The following BFSP2 variants were observed in gnomAD, a reference collection of about 807,000 sequenced individuals.
BFSP2 encodes the protein phakinin.
In BFSP2, 38 loss-of-function variants were observed where a neutral mutation model predicts 44.9. That is an observed-to-expected ratio of 0.85 (90% CI 0.65 to 1.11). The LOEUF (loss-of-function observed/expected upper bound fraction) is 1.11, where lower values mean the gene tolerates loss of function less well. Ranked by LOEUF, BFSP2 falls within the 50% of genes least tolerant of loss-of-function variation. The pLI, the probability that BFSP2 is intolerant of heterozygous loss-of-function variation, is 0.00. For missense variants in BFSP2, 525 were observed against 533.0 expected (o/e 0.99, Z 0.15); for synonymous variants, 197 against 209.9 (o/e 0.94, Z 0.53).
intron 4 of BFSP2, among the ~76,000 whole-genome samples, chr3:133,465,960 A>G (rs1039081365): frequency 6.6e-6 from 1 of 152,212 alleles, no homozygotes; most frequent in Admixed American, 6.5e-5. Context: ...GTCCACCAGC[A>G]GAGACTTCTA....
intron 1 of BFSP2, among the ~76,000 whole-genome samples, chr3:133,402,521 T>G (rs538936317): frequency 4.1e-4 from 63 of 152,312 alleles, no homozygotes; most frequent in Non-Finnish European, 2.9e-5. Context: ...TGGGCTCACT[T>G]TCCTCTTAAG....
chr3:133,442,611 T>C (rs149931803), intron 1 of BFSP2, among the ~76,000 whole-genome samples: 4 of 152,192 alleles, frequency 2.6e-5, no homozygotes, highest in Non-Finnish European at 5.9e-5. Flanking sequence ...TATAATGGGA[T>C]AGGAGAGCAT....
intron 1 of BFSP2, among the ~76,000 whole-genome samples, chr3:133,426,936 T>G (rs1033324885): frequency 6.6e-6 from 1 of 152,226 alleles, no homozygotes; most frequent in African/African-American, 2.4e-5. Context: ...GAGTGGGAGA[T>G]GGAAAGCATG....
intron 4 of BFSP2, among the ~76,000 whole-genome samples, chr3:133,459,792 C>T (rs988056065): frequency 2.6e-5 from 4 of 152,216 alleles, no homozygotes; most frequent in Non-Finnish European, 4.4e-5. Flanking sequence ...TAACATATGA[C>T]ACCACGTAAC....
intron 4 of BFSP2, among the ~76,000 whole-genome samples, chr3:133,464,289 T>C (rs1217536680): frequency 2.0e-5 from 3 of 152,224 alleles, no homozygotes; most frequent in Non-Finnish European, 4.4e-5. Context: ...TAAATACTAG[T>C]TGAGAGCACA....
chr3:133,441,039 CTT>C (rs534254115), intron 1 of BFSP2, among the ~76,000 whole-genome samples: 1,667 of 127,202 alleles, frequency 0.013, 31 homozygotes, highest in African/African-American at 0.045. Context: ...CAGATGCAAT[CTT>C]TTTTTTTTTT....
At chr3:133,425,907 AAAGG>A (rs2073645275) in intron 1 of BFSP2, among the ~76,000 whole-genome samples, 1 of 57,068 alleles carries the variant, frequency 1.8e-5, no homozygotes, top group Non-Finnish European at 3.1e-5. Flanking sequence ...GAAATAAGAG[AAAGG>A]AGGGCAAGGG....
At chr3:133,402,854 G>A (rs1448777054) in intron 1 of BFSP2, among the ~76,000 whole-genome samples, 1 of 151,850 alleles carries the variant, frequency 6.6e-6, no homozygotes, top group East Asian at 1.9e-4. Flanking sequence ...TGTTGGCCAG[G>A]CTGGTCTTGA....
At chr3:133,450,936 A>C (rs969789239) in intron 4 of BFSP2, among the ~76,000 whole-genome samples, 60 of 151,988 alleles carry the variant, frequency 3.9e-4, no homozygotes, top group African/African-American at 1.4e-3. Flanking sequence ...AGGGTGAAAC[A>C]CTGTCTCTAC....
chr3:133,449,497 GTTTTTTGT>G (rs1216248630), intron 3 of BFSP2, among the ~76,000 whole-genome samples: 1 of 70,584 alleles, frequency 1.4e-5, no homozygotes, highest in African/African-American at 3.7e-5. Flanking sequence ...TATACATGTG[GTTTTTTGT>G]TTGTTTGTTT....
chr3:133,469,794 T>C (rs981028475), intron 5 of BFSP2, among the ~76,000 whole-genome samples: 2 of 152,090 alleles, frequency 1.3e-5, no homozygotes, highest in African/African-American at 4.8e-5. Context: ...ACTTTAAGGG[T>C]GAGATGGAAG....
intron 1 of BFSP2, among the ~76,000 whole-genome samples, chr3:133,447,053 A>G (rs1228454286): frequency 6.6e-6 from 1 of 152,118 alleles, no homozygotes; most frequent in Non-Finnish European, 1.5e-5. Context: ...GGCTATGAAC[A>G]AGTCTGCCTT....
At chr3:133,437,922 G>A (rs1373128428) in intron 1 of BFSP2, among the ~76,000 whole-genome samples, 1 of 152,206 alleles carries the variant, frequency 6.6e-6, no homozygotes, top group Non-Finnish European at 1.5e-5. Context: ...TTAGCAGAAA[G>A]GACCTATATT....
intron 3 of BFSP2, 111 bp from the exon 4 acceptor site, chr3:133,450,192 A>C: frequency 8.3e-7 from 1 of 1,204,570 alleles, no homozygotes; most frequent in Non-Finnish European, 1.2e-6. Flanking sequence ...TGTGTCTGGC[A>C]GTTGTGGAAT....
intron 3 of BFSP2, among the ~76,000 whole-genome samples, chr3:133,449,793 G>A (rs1012168927): frequency 2.0e-5 from 3 of 151,922 alleles, no homozygotes; most frequent in African/African-American, 7.3e-5. Context: ...GGAGACTGAG[G>A]TGGGAGGACT....
intron 1 of BFSP2, among the ~76,000 whole-genome samples, chr3:133,435,560 G>A (rs1181954161): frequency 6.6e-6 from 1 of 152,182 alleles, no homozygotes; most frequent in Non-Finnish European, 1.5e-5. Flanking sequence ...CTCTGCTCTT[G>A]TCTGCGGCTG....
chr3:133,414,793 CCCCGCTTACCCCTCTACTCA>C, intron 1 of BFSP2, among the ~76,000 whole-genome samples: 1 of 104,860 alleles, frequency 9.5e-6, no homozygotes, highest in East Asian at 3.0e-4. Context: ...GCCACCCCCC[CCCCGCTTACCCCTCTACTCA>C]CTCCTACCAC....
Position 133,450,472 on chromosome 3 carries a change from G to C in BFSP2, c.891+8G>C. ...GCCCTGCTCCAAGCTAAGGTGAGAG[G>C]CAGGACCAGCATCCTCCACTCTGCC... On this transcript the variant is annotated splice_region_variant and intron_variant, in intron 4 of 6. Transcript: ENST00000302334. 6.2e-7 allele frequency: 1 copy of C among 1,613,870 alleles called. No homozygotes were observed. The highest frequency in any genetic ancestry group is 8.5e-7 in the Non-Finnish European group (1 of 1,179,994).
chr3:133,419,459 C>A lies in BFSP2; in HGVS notation c.489+18887C>A, dbSNP rs191606765. ...TCTATAAGGCCCGAGTTAGTCCTGT[C>A]CCAGAACCCTGAAGGGTAGGCGGGC... is the stretch of plus-strand genomic sequence containing the variant. On this transcript the variant is annotated intron_variant, in intron 1 of 6. Transcript: ENST00000302334. Among the ~76,000 whole-genome samples the A allele has an allele frequency of 4.3e-3, 650 of 152,274 alleles. 1 individual carries two copies. Among genetic ancestry groups the A allele is most frequent in the African/African-American group, 0.015 (621 of 41,556 alleles).
Sources: gnomAD v4.1 joint callset for allele counts (sites outside exome capture counted in the v4.1 genomes callset) on GRCh38, gnomAD v4.1.1 for gene constraint, MANE v1.5 for transcripts, NCBI Gene and HGNC (gene_info 2026-07-23, HGNC 2026-07-21) for gene names.